The following CHRNA7 variants were observed in gnomAD, a reference collection of about 807,000 sequenced individuals.
CHRNA7 encodes the protein neuronal acetylcholine receptor subunit alpha-7.
A neutral mutation model predicts 48.0 loss-of-function variants in CHRNA7; 17 were observed. That is an observed-to-expected ratio of 0.35 (90% CI 0.24 to 0.53). The LOEUF (loss-of-function observed/expected upper bound fraction) is 0.53. CHRNA7 is among the 20% of genes least tolerant of loss of function. CHRNA7 has a pLI of 0.92. For synonymous variants in CHRNA7, 75 were observed against 242.3 expected, an observed-to-expected ratio of 0.31 and a Z score of 6.41; for missense variants, 155 against 577.7, an observed-to-expected ratio of 0.27 and a Z score of 7.50.
At chr15:32,110,715 C>A (rs549762801) in intron 3 of CHRNA7, among the ~76,000 whole-genome samples, 1 of 152,116 alleles carries the variant, frequency 6.6e-6, no homozygotes, top group Non-Finnish European at 1.5e-5. Flanking sequence ...CGTAACTTTG[C>A]GTCAAATTAT....
chr15:32,111,846 T>C lies in CHRNA7; in HGVS notation c.297T>C (p.Thr99=), dbSNP rs2050767132. ...WNVSEYPGVK[T]VRFPDGQIWK... Reference sequence around the variant, plus strand: ...TGTCAGAATATCCAGGGGTGAAGACTGTTCGTTTCCCAGATGGCCAGATTT... The same window carrying C: ...TGTCAGAATATCCAGGGGTGAAGACCGTTCGTTTCCCAGATGGCCAGATTT... The change falls in exon 4 of 10, where the codon ACT becomes ACC. Residue 99 remains threonine, a synonymous_variant. Transcript: ENST00000306901. 6.2e-7 allele frequency: 1 copy of C among 1,613,904 alleles called. No homozygotes were observed. The highest frequency in any genetic ancestry group is 1.3e-5 in the African/African-American group (1 of 74,940).
At chr15:32,103,972 A>C (rs898982575) in intron 3 of CHRNA7, among the ~76,000 whole-genome samples, 9 of 152,194 alleles carry the variant, frequency 5.9e-5, no homozygotes, top group South Asian at 2.1e-4. Flanking sequence ...CCTGGTCTAC[A>C]TGGGTGTCAT....
intron 4 of CHRNA7, among the ~76,000 whole-genome samples, chr15:32,150,783 C>A (rs141625121): frequency 2.4e-4 from 37 of 152,276 alleles, no homozygotes; most frequent in African/African-American, 8.4e-4. Context: ...ATGATACTAT[C>A]CAGAGTGAGC....
At chr15:32,087,887 G>T (rs1256958538) in intron 2 of CHRNA7, among the ~76,000 whole-genome samples, 1 of 152,134 alleles carries the variant, frequency 6.6e-6, no homozygotes, top group Non-Finnish European at 1.5e-5. Context: ...TTATACTTTT[G>T]TAATGCATTT....
intron 4 of CHRNA7, among the ~76,000 whole-genome samples, chr15:32,138,208 C>T (rs76143048): frequency 2.6e-5 from 4 of 151,922 alleles, no homozygotes; most frequent in African/African-American, 9.7e-5. Flanking sequence ...AAAGAAGGCA[C>T]AAACAAACAT....
At chr15:32,145,439 G>A (rs1212216402) in intron 4 of CHRNA7, among the ~76,000 whole-genome samples, 3 of 152,204 alleles carry the variant, frequency 2.0e-5, no homozygotes, top group Non-Finnish European at 4.4e-5. Context: ...GGGAGAACCA[G>A]TGCTCTCTTC....
chr15:32,084,548 TTGGCATATCA>T, intron 2 of CHRNA7, among the ~76,000 whole-genome samples: 1 of 152,352 alleles, frequency 6.6e-6, no homozygotes, highest in East Asian at 1.9e-4. Flanking sequence ...GACTGAAGCT[TTGGCATATCA>T]TGTTCAATGT....
intron 2 of CHRNA7, among the ~76,000 whole-genome samples, chr15:32,039,233 C>T (rs2049404969): frequency 6.6e-6 from 1 of 152,022 alleles, no homozygotes; most frequent in African/African-American, 2.4e-5. Context: ...TTCATTTCCT[C>T]TATTGATTTC....
intron 4 of CHRNA7, among the ~76,000 whole-genome samples, chr15:32,121,670 C>A (rs2050973014): frequency 6.6e-6 from 1 of 152,224 alleles, no homozygotes; most frequent in Admixed American, 6.5e-5. Flanking sequence ...ACGTCTTGGT[C>A]TGTCTGGGAC....
intron 2 of CHRNA7, among the ~76,000 whole-genome samples, chr15:32,075,460 G>A (rs1323352021): frequency 6.6e-6 from 1 of 151,976 alleles, no homozygotes; most frequent in African/African-American, 2.4e-5. Context: ...TATTCATTTC[G>A]TCTAAATCGT....
chr15:32,144,031 T>G (rs536894263), intron 4 of CHRNA7, among the ~76,000 whole-genome samples: 28 of 152,344 alleles, frequency 1.8e-4, no homozygotes, highest in African/African-American at 6.7e-4. Flanking sequence ...CTTTACCATT[T>G]GGCGTGTTTT....
At chr15:32,118,222 A>C (rs1021427775) in intron 4 of CHRNA7, among the ~76,000 whole-genome samples, 1 of 152,214 alleles carries the variant, frequency 6.6e-6, no homozygotes, top group African/African-American at 2.4e-5. Context: ...AGTCCCCACC[A>C]GCAAGAAGCC....
Position 32,172,140 on chromosome 15 carries a change from G to T in CHRNA7, c.*3682G>T, listed in dbSNP as rs2052424095. On this transcript the variant is annotated 3_prime_UTR_variant, in exon 10 of 10. Transcript: ENST00000306901. ...AGTGTTTTATGATTTTGTTCACTAA[G>T]GTGCTTTGAATTTATAGTTTATTTC... is the stretch of plus-strand genomic sequence containing the variant. The T allele has an allele frequency of 1.0e-5, 1 of 99,322 alleles. No individual in the cohort carries two copies. The highest frequency in any genetic ancestry group is 2.3e-5 in the Non-Finnish European group (1 of 42,554). 6.2% of individuals were successfully genotyped at this position (99,322 alleles called of 1,614,324 possible). A position where few individuals can be genotyped will look rare whatever the true frequency, so the allele number is the denominator to read the frequency against.
At chr15:32,104,833 G>T (rs749476867) in intron 3 of CHRNA7, among the ~76,000 whole-genome samples, 6 of 152,200 alleles carry the variant, frequency 3.9e-5, no homozygotes, top group Admixed American at 6.5e-5. Flanking sequence ...ATTAAAGTTG[G>T]ACGTTTGCCA....
rs553718188 is a variant in CHRNA7 at position 32,136,567 on chromosome 15, C to T, written c.351-17340C>T. Among the ~76,000 whole-genome samples the T allele has an allele frequency of 2.5e-4, 38 of 151,788 alleles. 1 individual carries two copies. In the East Asian group the frequency reaches 7.0e-3, roughly 28 times the overall value. On this transcript the variant is annotated intron_variant, in intron 4 of 9. Transcript: ENST00000306901. ...GCATGAAATAGTAACTTGGACAGTG[C>T]TTGGAGGTAAAACCCTCAGGTGTAC...
At chr15:32,143,750 T>G (rs1487632665) in intron 4 of CHRNA7, among the ~76,000 whole-genome samples, 2 of 152,222 alleles carry the variant, frequency 1.3e-5, no homozygotes, top group Non-Finnish European at 2.9e-5. Context: ...CCCTGCTTTT[T>G]TTTTGCATTC....
chr15:32,123,705 T>C (rs1284735168), intron 4 of CHRNA7, among the ~76,000 whole-genome samples: 1 of 152,158 alleles, frequency 6.6e-6, no homozygotes, highest in Non-Finnish European at 1.5e-5. Flanking sequence ...ATCTCCCATT[T>C]GCTCCCCTAG....
At chr15:32,064,482 A>AGT (rs5811677) in intron 2 of CHRNA7, among the ~76,000 whole-genome samples, 72,848 of 150,218 alleles carry the variant, frequency 0.48, 18,092 homozygotes, top group South Asian at 0.62. Flanking sequence ...GTGTGTGTGT[A>AGT]GTGTGTGTGT....
intron 2 of CHRNA7, among the ~76,000 whole-genome samples, chr15:32,082,864 A>G (rs2141234610): frequency 6.6e-6 from 1 of 152,240 alleles, no homozygotes; most frequent in South Asian, 2.1e-4. Context: ...GCTGGGCATG[A>G]TGGCTCATGC....
Sources: gnomAD v4.1 joint callset for allele counts (sites outside exome capture counted in the v4.1 genomes callset) on GRCh38, gnomAD v4.1.1 for gene constraint, MANE v1.5 for transcripts, NCBI Gene and HGNC (gene_info 2026-07-23, HGNC 2026-07-21) for gene names.